The following DCBLD1 variants were observed in gnomAD, a reference collection of about 807,000 sequenced individuals.
DCBLD1 encodes discoidin, CUB and LCCL domain-containing protein 1.
A neutral mutation model predicts 71.5 loss-of-function variants in DCBLD1; 57 were observed. The ratio of observed to expected loss-of-function variants is 0.80; its 90% CI spans 0.64 to 0.99. The LOEUF is 0.99. DCBLD1 is among the 50% of genes least tolerant of loss of function. DCBLD1 has a pLI of 0.00. For missense variants in DCBLD1, 891 were observed against 923.5 expected (o/e 0.96, Z 0.46); for synonymous variants, 380 against 363.8 (o/e 1.04, Z -0.51).
rs996726089 is a variant in DCBLD1 at position 117,547,621 on chromosome 6, A to G, written c.1616-286A>G. 7 of 686,216 alleles carry G rather than the reference A, an allele frequency of 1.0e-5. No individual in the cohort carries two copies. In the African/African-American group the frequency reaches 1.2e-4, roughly 12 times the overall value. The allele number at this position is 686,216 out of a possible 1,614,324, so 42.5% of individuals were successfully genotyped here. ...CCATAGCTTCTCCAGAGCCAGTTTCAGAGCCACTTCCTCCCTGAAGTATGT... is the reference window on the plus strand; with the variant it reads ...CCATAGCTTCTCCAGAGCCAGTTTCGGAGCCACTTCCTCCCTGAAGTATGT... On this transcript the variant is annotated intron_variant, in intron 14 of 14. Coordinates refer to ENST00000338728, the MANE Select transcript of DCBLD1 (RefSeq NM_001366458.2).
intron 5 of DCBLD1, among the ~76,000 whole-genome samples, chr6:117,528,458 GTTACAC>G (rs1420533637): frequency 6.6e-6 from 1 of 152,050 alleles, no homozygotes; most frequent in African/African-American, 2.4e-5. Context: ...TTACTTTTTT[GTTACAC>G]TTCCTTTTAA....
chr6:117,536,631 G>A (rs1008778767), intron 6 of DCBLD1, among the ~76,000 whole-genome samples: 2 of 152,206 alleles, frequency 1.3e-5, no homozygotes, highest in Non-Finnish European at 2.9e-5. Context: ...ACAGTAGGTA[G>A]GAGTGTGGCC....
intron 2 of DCBLD1, among the ~76,000 whole-genome samples, chr6:117,507,140 A>G (rs1051892357): frequency 6.6e-6 from 1 of 152,240 alleles, no homozygotes; most frequent in Non-Finnish European, 1.5e-5. Context: ...GATTACATTA[A>G]CCATTGTGAA....
chr6:117,567,488 C>T (rs1051294471), intron 14 of DCBLD1, among the ~76,000 whole-genome samples: 1 of 152,130 alleles, frequency 6.6e-6, no homozygotes, highest in Non-Finnish European at 1.5e-5. Flanking sequence ...TTTTTGTACA[C>T]TGCCATAAGG....
chr6:117,519,083 A>G (rs1278935201), intron 2 of DCBLD1, among the ~76,000 whole-genome samples: 1 of 152,204 alleles, frequency 6.6e-6, no homozygotes, highest in Non-Finnish European at 1.5e-5. Flanking sequence ...TCGAAATGAC[A>G]AGTTAAAAGC....
At chr6:117,522,438 G>GT (rs537738936) in intron 4 of DCBLD1, among the ~76,000 whole-genome samples, 177 of 146,696 alleles carry the variant, frequency 1.2e-3, no homozygotes, top group African/African-American at 2.5e-3. Flanking sequence ...AACTATGACT[G>GT]TTTTTTTTTT....
intron 2 of DCBLD1, among the ~76,000 whole-genome samples, chr6:117,510,354 GACACAGACACACACACAC>G (rs1358980406): frequency 2.0e-5 from 3 of 147,434 alleles, no homozygotes; most frequent in African/African-American, 7.6e-5. Context: ...CACACACACA[GACACAGACACACACACAC>G]ACACACACAC....
In DCBLD1 at chr6:117,548,246, A is replaced by C; in HGVS notation, c.1955A>C (p.Tyr652Ser). 6.4e-7 allele frequency: 1 copy of C among 1,550,580 alleles called. No individual in the cohort carries two copies. The highest frequency in any genetic ancestry group is 8.7e-7 in the Non-Finnish European group (1 of 1,146,974). ...GGTGTGGGCGCCCAGGACGGAGACT[A>C]TCAAAGGCCACACAGCGCACAGCCT... ...VAGVGAQDGD[Y>S]QRPHSAQPAD... The change falls in exon 15 of 15, where the codon TAT (tyrosine) becomes TCT (serine). Residue 652 changes from tyrosine to serine, a missense_variant. Transcript: ENST00000338728.
chr6:117,552,607 T>C (rs750359796), downstream of DCBLD1, among the ~76,000 whole-genome samples: 17 of 152,224 alleles, frequency 1.1e-4, no homozygotes, highest in South Asian at 6.2e-4. Context: ...TTTCCATTCA[T>C]TGAGGACATT....
intron 14 of DCBLD1, chr6:117,563,165 C>G: frequency 8.0e-7 from 1 of 1,249,690 alleles, no homozygotes; most frequent in East Asian, 2.3e-5. Flanking sequence ...AACAGCCTCC[C>G]CTGATTTTGT....
At chr6:117,513,768 T>G (rs2114465414) in intron 2 of DCBLD1, among the ~76,000 whole-genome samples, 1 of 152,340 alleles carries the variant, frequency 6.6e-6, no homozygotes, top group Middle Eastern at 3.4e-3. Flanking sequence ...TTTTTGCCAA[T>G]CTAAGAACAC....
At position 117,548,000 on chromosome 6, in the gene DCBLD1, T is replaced by C. The variant is rs762617463; in HGVS notation, c.1709T>C (p.Val570Ala). The change falls in exon 15 of 15, where the codon GTG becomes GCG. Residue 570 changes from valine (V) to alanine (A), a missense_variant. Val to Ala is a moderately conservative substitution (Grantham distance 64). Transcript: ENST00000338728. ...GACACGGATGCCGAGGAGGCAGGGGTGAGCACCGATGCCGGCGGCCACTAT... is the reference window on the plus strand; with the variant it reads ...GACACGGATGCCGAGGAGGCAGGGGCGAGCACCGATGCCGGCGGCCACTAT... ...PMDTDAEEAG[V>A]STDAGGHYDC... is the part of the protein sequence containing the mutation. The C allele has an allele frequency of 6.5e-7, 1 of 1,550,140 alleles. No homozygotes were observed. Among genetic ancestry groups the C allele is most frequent in the South Asian group, 1.2e-5 (1 of 84,036 alleles).
At chr6:117,500,158 A>G (rs1463901091) in intron 1 of DCBLD1, among the ~76,000 whole-genome samples, 1 of 152,198 alleles carries the variant, frequency 6.6e-6, no homozygotes, top group Non-Finnish European at 1.5e-5. Flanking sequence ...ATCCTTTGAA[A>G]TCACCCAAAC....
intron 1 of DCBLD1, among the ~76,000 whole-genome samples, chr6:117,500,346 C>T (rs1432813283): frequency 1.3e-5 from 2 of 152,108 alleles, no homozygotes; most frequent in Non-Finnish European, 2.9e-5. Context: ...ACTTCCTTTG[C>T]GATTCAGGTT....
At chr6:117,559,547 A>G (rs210634) in intron 14 of DCBLD1, among the ~76,000 whole-genome samples, 122,999 of 152,184 alleles carry the variant, frequency 0.81, 50,366 homozygotes, top group African/African-American at 0.95. Context: ...CAGCAGCTGG[A>G]CCTTCAGTAA....
At chr6:117,499,060 T>A (rs1777561988) in intron 1 of DCBLD1, among the ~76,000 whole-genome samples, 1 of 143,252 alleles carries the variant, frequency 7.0e-6, no homozygotes. Context: ...CTGGGTCAAC[T>A]GTATTTCATA....
intron 5 of DCBLD1, among the ~76,000 whole-genome samples, chr6:117,529,026 G>A (rs553690686): frequency 2.0e-5 from 3 of 152,228 alleles, no homozygotes; most frequent in Admixed American, 6.5e-5. Context: ...ATTTTTAGTA[G>A]AGACGGGGTT....
intron 1 of DCBLD1, among the ~76,000 whole-genome samples, chr6:117,494,437 T>G (rs1777404285): frequency 6.6e-6 from 1 of 152,234 alleles, no homozygotes; most frequent in Admixed American, 6.5e-5. Context: ...TTGACTTATC[T>G]TCAGCTGAAG....
intron 14 of DCBLD1, among the ~76,000 whole-genome samples, chr6:117,567,328 A>G (rs1205857285): frequency 6.6e-6 from 1 of 152,210 alleles, no homozygotes; most frequent in East Asian, 1.9e-4. Context: ...TTAAATTTAT[A>G]GAATTTTGGA....
Sources: gnomAD v4.1 joint callset for allele counts (sites outside exome capture counted in the v4.1 genomes callset) on GRCh38, gnomAD v4.1.1 for gene constraint, MANE v1.5 for transcripts, NCBI Gene and HGNC (gene_info 2026-07-23, HGNC 2026-07-21) for gene names.